PDE10A: variants seen among roughly 807,000 people sequenced by gnomAD.
The protein encoded by PDE10A is phosphodiesterase 10A, also known as cAMP and cAMP-inhibited cGMP 3',5'-cyclic phosphodiesterase 10A.
A neutral mutation model predicts 97.7 loss-of-function variants in PDE10A; 39 were observed. The observed-to-expected ratio is 0.40, with a 90% CI of 0.31 to 0.52. The LOEUF is 0.52. Ranked by LOEUF, PDE10A falls within the 20% of genes least tolerant of loss-of-function variation. PDE10A has a pLI of 0.56. For missense variants in PDE10A, 731 were observed against 1,047.8 expected, an observed-to-expected ratio of 0.70 and a Z score of 4.17; for synonymous variants, 371 against 376.8, an observed-to-expected ratio of 0.98 and a Z score of 0.18.
At chr6:165,379,439 T>C in intron 17 of PDE10A, 73 bp from the exon 18 acceptor site, 6 of 1,208,618 alleles carry the variant, frequency 5.0e-6, no homozygotes, top group Non-Finnish European at 7.0e-6. Context: ...TTTAGTTATT[T>C]GAAACTATAT....
intron 1 of PDE10A, among the ~76,000 whole-genome samples, chr6:165,751,248 G>C (rs969728662): frequency 1.1e-4 from 16 of 152,204 alleles, no homozygotes; most frequent in African/African-American, 3.6e-4. Context: ...TGGATTCTAT[G>C]AGGCACCCCT....
chr6:165,936,176 C>A (rs1202840295), intron 1 of PDE10A, among the ~76,000 whole-genome samples: 2 of 152,144 alleles, frequency 1.3e-5, no homozygotes, highest in Admixed American at 6.5e-5. Context: ...CAGTTTTGAG[C>A]AGTCCTTGTA....
At chr6:165,937,403 G>A (rs1381515063) in intron 1 of PDE10A, among the ~76,000 whole-genome samples, 1 of 152,188 alleles carries the variant, frequency 6.6e-6, no homozygotes, top group African/African-American at 2.4e-5. Context: ...AGTGAATGGT[G>A]AGATTTTCGC....
At chr6:165,935,666 C>A (rs553353683) in intron 1 of PDE10A, among the ~76,000 whole-genome samples, 139 of 152,270 alleles carry the variant, frequency 9.1e-4, no homozygotes, top group African/African-American at 3.3e-3. Flanking sequence ...CCCAATGCAA[C>A]AGTGTTGAGA....
intron 1 of PDE10A, among the ~76,000 whole-genome samples, chr6:165,934,473 T>C (rs576616054): frequency 1.6e-4 from 25 of 151,922 alleles, no homozygotes; most frequent in African/African-American, 5.8e-4. Context: ...TTCAAACTAG[T>C]GACAAAAAAA....
At chr6:165,399,520 G>T (rs188428474) in intron 13 of PDE10A, among the ~76,000 whole-genome samples, 1 of 152,204 alleles carries the variant, frequency 6.6e-6, no homozygotes. Context: ...CCATGTTGGT[G>T]TGCTGCACCC....
At chr6:165,480,889 G>C (rs1779569992) in intron 3 of PDE10A, among the ~76,000 whole-genome samples, 1 of 152,178 alleles carries the variant, frequency 6.6e-6, no homozygotes, top group African/African-American at 2.4e-5. Context: ...AAACGTTATA[G>C]AGATCTTGGC....
intron 1 of PDE10A, among the ~76,000 whole-genome samples, chr6:165,625,479 A>C (rs1235673568): frequency 1.3e-5 from 2 of 152,178 alleles, no homozygotes; most frequent in Non-Finnish European, 2.9e-5. Flanking sequence ...TAAGGGTAGA[A>C]ACTTAAGGTT....
At chr6:165,367,393 C>G (rs965694794) in intron 18 of PDE10A, among the ~76,000 whole-genome samples, 7 of 151,774 alleles carry the variant, frequency 4.6e-5, no homozygotes, top group African/African-American at 1.5e-4. Flanking sequence ...CAGTGAAAAA[C>G]CATACAGAGC....
At chr6:165,921,780 A>G (rs1782758898) in intron 1 of PDE10A, among the ~76,000 whole-genome samples, 1 of 152,226 alleles carries the variant, frequency 6.6e-6, no homozygotes, top group African/African-American at 2.4e-5. Flanking sequence ...AAGTGGGTGC[A>G]GAAGGGCAGG....
chr6:165,709,297 A>C, intron 1 of PDE10A, among the ~76,000 whole-genome samples: 2 of 86,818 alleles, frequency 2.3e-5, no homozygotes, highest in Admixed American at 2.6e-4. Context: ...TCTCCCCACC[A>C]TGCTGCGGCG....
chr6:165,944,805 T>C (rs1295882675), intron 1 of PDE10A, among the ~76,000 whole-genome samples: 2 of 152,142 alleles, frequency 1.3e-5, no homozygotes, highest in Non-Finnish European at 2.9e-5. Context: ...CTGCAGTAAA[T>C]ATGTCACTGT....
chr6:165,818,107 T>C (rs1042783054), intron 1 of PDE10A, among the ~76,000 whole-genome samples: 10 of 152,184 alleles, frequency 6.6e-5, no homozygotes, highest in African/African-American at 2.4e-4. Context: ...CTGCCCCAGA[T>C]GTTGAAAGGA....
chr6:165,576,268 G>C, intron 1 of PDE10A: 1 of 663,196 alleles, frequency 1.5e-6, no homozygotes, highest in Non-Finnish European at 2.8e-6. Context: ...AAAGAGTCAA[G>C]GTGTGAACAA....
intron 13 of PDE10A, among the ~76,000 whole-genome samples, chr6:165,409,315 G>A (rs1169271848): frequency 6.6e-6 from 1 of 152,214 alleles, no homozygotes; most frequent in Admixed American, 6.5e-5. Context: ...GGGAGGCCGA[G>A]GCAGGCGGAT....
At chr6:165,474,754 T>C (rs916720130) in intron 3 of PDE10A, among the ~76,000 whole-genome samples, 2 of 152,176 alleles carry the variant, frequency 1.3e-5, no homozygotes, top group African/African-American at 4.8e-5. Context: ...TTGTAAGTAT[T>C]CAGACATACA....
At chr6:165,920,901 T>C (rs536286385) in intron 1 of PDE10A, among the ~76,000 whole-genome samples, 49 of 152,208 alleles carry the variant, frequency 3.2e-4, no homozygotes, top group Non-Finnish European at 6.5e-4. Context: ...CTCATTCTTA[T>C]GACACAAATA....
At chr6:165,601,875 C>G (rs535210716) in intron 1 of PDE10A, among the ~76,000 whole-genome samples, 28 of 152,102 alleles carry the variant, frequency 1.8e-4, no homozygotes, top group Non-Finnish European at 4.1e-4. Context: ...CATCTACCAC[C>G]GCAACATCTC....
chr6:165,374,030 T>C (rs1784442785), intron 18 of PDE10A, among the ~76,000 whole-genome samples: 1 of 130,946 alleles, frequency 7.6e-6, no homozygotes, highest in Non-Finnish European at 1.5e-5. Flanking sequence ...AATTGAACAA[T>C]GAGAACACAT....
Sources: allele counts gnomAD v4.1 joint callset (sites outside exome capture counted in the v4.1 genomes callset), GRCh38; gene constraint gnomAD v4.1.1; transcripts MANE v1.5; gene names NCBI Gene and HGNC (gene_info 2026-07-23, HGNC 2026-07-21).